CPE: variants seen among roughly 807,000 people sequenced by gnomAD.
CPE encodes the protein carboxypeptidase E, also known as carbocypeptidase E.
In CPE, 17 loss-of-function variants were observed where a neutral mutation model predicts 53.5. That is an observed-to-expected ratio of 0.32 (90% confidence interval 0.22 to 0.48). CPE has a LOEUF of 0.48. Ranked by LOEUF, CPE falls within the 20% of genes least tolerant of loss-of-function variation. CPE has a pLI of 0.99. For missense variants in CPE, 524 were observed against 614.7 expected, an observed-to-expected ratio of 0.85 and a Z score of 1.56; for synonymous variants, 226 against 228.8, an observed-to-expected ratio of 0.99 and a Z score of 0.11.
intron 1 of CPE, among the ~76,000 whole-genome samples, chr4:165,386,553 G>A (rs778814722): frequency 2.6e-5 from 4 of 152,144 alleles, no homozygotes; most frequent in Admixed American, 6.5e-5. Flanking sequence ...CTTATTTTTT[G>A]TGTGCACTGA....
At chr4:165,453,229 A>T (rs369836237) in intron 1 of CPE, among the ~76,000 whole-genome samples, 2 of 152,048 alleles carry the variant, frequency 1.3e-5, no homozygotes, top group African/African-American at 2.4e-5. Flanking sequence ...AAGTGCTAGG[A>T]TGAAGGCATG....
intron 1 of CPE, among the ~76,000 whole-genome samples, chr4:165,383,337 A>G (rs1441306669): frequency 6.6e-6 from 1 of 152,204 alleles, no homozygotes; most frequent in East Asian, 1.9e-4. Context: ...TCAAACCCAA[A>G]CATATGCCTT....
At chr4:165,441,857 T>G (rs962404833) in intron 1 of CPE, among the ~76,000 whole-genome samples, 2 of 152,314 alleles carry the variant, frequency 1.3e-5, no homozygotes, top group African/African-American at 4.8e-5. Context: ...TAATCATGAC[T>G]GATTATCTTT....
chr4:165,454,316 A>C (rs936930595), intron 1 of CPE, among the ~76,000 whole-genome samples: 2 of 152,172 alleles, frequency 1.3e-5, no homozygotes, highest in African/African-American at 2.4e-5. Flanking sequence ...CTCCTTCCGA[A>C]ACCAGTGCAT....
intron 1 of CPE, among the ~76,000 whole-genome samples, chr4:165,438,014 G>A (rs1731541715): frequency 6.6e-6 from 1 of 152,184 alleles, no homozygotes; most frequent in Non-Finnish European, 1.5e-5. Flanking sequence ...CTAGTGTTTA[G>A]ATTAAGTTCA....
intron 6 of CPE, among the ~76,000 whole-genome samples, chr4:165,491,066 A>G (rs1732595007): frequency 6.6e-6 from 1 of 152,212 alleles, no homozygotes; most frequent in African/African-American, 2.4e-5. Flanking sequence ...TTATTACTAC[A>G]CTGGAATTTT....
intron 1 of CPE, among the ~76,000 whole-genome samples, chr4:165,390,213 T>C (rs1285128060): frequency 6.6e-6 from 1 of 152,226 alleles, no homozygotes; most frequent in East Asian, 1.9e-4. Context: ...ATGTATATTT[T>C]GTCACCAACT....
intron 5 of CPE, among the ~76,000 whole-genome samples, chr4:165,485,240 G>A (rs552927934): frequency 6.6e-6 from 1 of 152,158 alleles, no homozygotes; most frequent in African/African-American, 2.4e-5. Flanking sequence ...TACAGAGCTC[G>A]TATTTTCACT....
intron 6 of CPE, among the ~76,000 whole-genome samples, chr4:165,488,655 G>C (rs1362609539): frequency 6.6e-6 from 1 of 152,014 alleles, no homozygotes; most frequent in Non-Finnish European, 1.5e-5. Context: ...AAACTAATTT[G>C]ACATAAAAAA....
At chr4:165,447,663 A>G (rs912965017) in intron 1 of CPE, among the ~76,000 whole-genome samples, 2 of 152,038 alleles carry the variant, frequency 1.3e-5, no homozygotes, top group African/African-American at 4.8e-5. Context: ...CTTTTTTTAC[A>G]TTATAAATTT....
chr4:165,450,017 A>T (rs1275729565), intron 1 of CPE, among the ~76,000 whole-genome samples: 1 of 152,206 alleles, frequency 6.6e-6, no homozygotes, highest in Admixed American at 6.5e-5. Context: ...ATTTAAGTTG[A>T]CATTTTGAGA....
intron 1 of CPE, among the ~76,000 whole-genome samples, chr4:165,397,608 T>C (rs1056452514): frequency 2.6e-5 from 4 of 152,216 alleles, no homozygotes; most frequent in African/African-American, 9.6e-5. Flanking sequence ...GTAAGCATCC[T>C]TTCTACCATC....
chr4:165,416,264 G>C (rs1579251441), intron 1 of CPE, among the ~76,000 whole-genome samples: 1 of 152,156 alleles, frequency 6.6e-6, no homozygotes, highest in Non-Finnish European at 1.5e-5. Flanking sequence ...GGTCTTCACC[G>C]ATCCTCTGGC....
intron 3 of CPE, among the ~76,000 whole-genome samples, chr4:165,468,142 T>A (rs1023643542): frequency 2.6e-5 from 4 of 152,172 alleles, no homozygotes; most frequent in African/African-American, 9.7e-5. Context: ...ATTAGCTCAT[T>A]TGATCAGCTC....
chr4:165,396,213 A>C (rs1730764516), intron 1 of CPE, among the ~76,000 whole-genome samples: 1 of 152,152 alleles, frequency 6.6e-6, no homozygotes, highest in Non-Finnish European at 1.5e-5. Context: ...TCCTGGAGTC[A>C]TCTTTAACGG....
Position 165,379,411 on chromosome 4 carries a change from G to T in CPE, c.190G>T (p.Val64Leu). The change falls in exon 1 of 9, where the codon GTG becomes TTG. Residue 64 changes from valine (V) to leucine (L), a missense_variant. Val to Leu is a conservative substitution (Grantham distance 32, BLOSUM62 1). Transcript: ENST00000402744. This position sits in a 1 kb window ranked among gnomAD's most constrained non-coding sequence, Gnocchi z 6.0. ...HRYPELREAL[V>L]SVWLQCTAIS... ...CTACCCCGAGCTGCGCGAGGCGCTC[G>T]TGTCCGTGTGGCTGCAGTGCACCGC... 1 of 1,610,400 alleles carries T rather than the reference G, an allele frequency of 6.2e-7. No homozygotes were observed.
intron 1 of CPE, chr4:165,405,745 C>T (rs1340032147): frequency 3.2e-6 from 3 of 932,082 alleles, no homozygotes; most frequent in East Asian, 2.5e-5. Flanking sequence ...CCTGTCTGCA[C>T]GGATGTTTCT....
At chr4:165,395,706 A>G (rs915401317) in intron 1 of CPE, among the ~76,000 whole-genome samples, 1 of 152,268 alleles carries the variant, frequency 6.6e-6, no homozygotes, top group Non-Finnish European at 1.5e-5. Context: ...AAGGGATTAC[A>G]TGATAATTCA....
At chr4:165,460,132 T>G (rs1329800791) in intron 1 of CPE, among the ~76,000 whole-genome samples, 1 of 152,008 alleles carries the variant, frequency 6.6e-6, no homozygotes, top group Non-Finnish European at 1.5e-5. Flanking sequence ...ACCTGTGTTT[T>G]TTTCTTCTGT....
Sources: gnomAD v4.1 joint callset for allele counts (sites outside exome capture counted in the v4.1 genomes callset) on GRCh38, gnomAD v4.1.1 for gene constraint, Gnocchi (gnomAD v3.1) non-coding constraint, MANE v1.5 for transcripts, NCBI Gene and HGNC (gene_info 2026-07-23, HGNC 2026-07-21) for gene names.